The following RABGAP1L variants were observed in gnomAD, a reference collection of about 807,000 sequenced individuals.
RABGAP1L encodes RAB GTPase activating protein 1 like.
Under a neutral mutation model 137.7 loss-of-function variants are expected in RABGAP1L, and 63 were observed. The observed-to-expected ratio is 0.46, with a 90% CI of 0.37 to 0.56. The LOEUF (loss-of-function observed/expected upper bound fraction) is 0.56. Ranked by LOEUF, RABGAP1L falls within the 20% of genes least tolerant of loss-of-function variation. RABGAP1L has a pLI of 0.00. For synonymous variants in RABGAP1L, 431 were observed against 433.7 expected, an observed-to-expected ratio of 0.99 and a Z score of 0.08; for missense variants, 1,095 against 1,244.0, an observed-to-expected ratio of 0.88 and a Z score of 1.80.
In RABGAP1L at chr1:174,596,150, G is replaced by A. The variant is rs551524039; in HGVS notation, c.1711-41225G>A. Among the ~76,000 whole-genome samples the A allele has an allele frequency of 5.7e-4, 79 of 139,046 alleles. 1 individual carries two copies. Among genetic ancestry groups the A allele is most frequent in the South Asian group, 5.0e-3 (21 of 4,228 alleles). 91.2% of individuals were successfully genotyped at this position (139,046 alleles called of 152,430 possible). A position where few individuals can be genotyped will look rare whatever the true frequency, so the allele number is the denominator to read the frequency against. On this transcript the variant is annotated intron_variant, in intron 13 of 25. Transcript: ENST00000681986. ...CGTCCGTCACCCCTTTCTTTGACTC[G>A]GAAAGGGAACTCCCTGACCCCTTGC...
intron 12 of RABGAP1L, among the ~76,000 whole-genome samples, chr1:174,377,661 T>C (rs1392416597): frequency 6.6e-6 from 1 of 151,918 alleles, no homozygotes; most frequent in Non-Finnish European, 1.5e-5. Flanking sequence ...GAGATACCAC[T>C]TCATACCCAC....
At chr1:174,656,770 CT>C (rs1413931254) in intron 14 of RABGAP1L, among the ~76,000 whole-genome samples, 2 of 152,184 alleles carry the variant, frequency 1.3e-5, no homozygotes, top group Non-Finnish European at 2.9e-5. Context: ...ACTGAAATCT[CT>C]GCTTGGTGGT....
At chr1:174,889,300 GT>G (rs1655716422) in intron 19 of RABGAP1L, among the ~76,000 whole-genome samples, 1 of 151,580 alleles carries the variant, frequency 6.6e-6, no homozygotes, top group Non-Finnish European at 1.5e-5. Flanking sequence ...ATTTTTGTAT[GT>G]TTAGTAGAGA....
intron 19 of RABGAP1L, among the ~76,000 whole-genome samples, chr1:174,957,225 AG>A (rs1668624809): frequency 6.6e-6 from 1 of 152,216 alleles, no homozygotes; most frequent in East Asian, 1.9e-4. Flanking sequence ...TAATAATGAC[AG>A]AGTTGAATCT....
In RABGAP1L at chr1:174,472,936, CTG is replaced by C. The variant is rs536873586; in HGVS notation, c.1710+78793_1710+78794del. Among the ~76,000 whole-genome samples the C allele has an allele frequency of 2.0e-5, 3 of 152,296 alleles. No homozygotes were observed. In the East Asian group the frequency reaches 5.8e-4, roughly 29 times the overall value. On this transcript the variant is annotated intron_variant, in intron 13 of 25. Coordinates refer to ENST00000681986, the MANE Select transcript of RABGAP1L (RefSeq NM_001366446.1). The stretch of plus-strand genomic sequence containing the variant: ...AGCAGTCTCAGACCTGCAGTATTAA[CTG>C]TTTTTTGCACAGTAATATTTTAAAC...
intron 14 of RABGAP1L, among the ~76,000 whole-genome samples, chr1:174,681,874 A>G (rs901251860): frequency 8.5e-5 from 13 of 152,218 alleles, no homozygotes; most frequent in Non-Finnish European, 1.2e-4. Flanking sequence ...AATACATTCT[A>G]TTAAATTAAA....
At chr1:174,622,935 CT>C (rs1271305150) in intron 13 of RABGAP1L, among the ~76,000 whole-genome samples, 5 of 152,126 alleles carry the variant, frequency 3.3e-5, no homozygotes, top group African/African-American at 1.2e-4. Context: ...AATGCATTCA[CT>C]TTTCTTTGAA....
chr1:174,449,566 G>A (rs1655198738), intron 13 of RABGAP1L, among the ~76,000 whole-genome samples: 3 of 152,128 alleles, frequency 2.0e-5, no homozygotes, highest in African/African-American at 7.2e-5. Flanking sequence ...TTTTGTCTAT[G>A]TTTCTCTCAC....
At chr1:174,527,887 CATT>C (rs1664039952) in intron 13 of RABGAP1L, among the ~76,000 whole-genome samples, 1 of 140,698 alleles carries the variant, frequency 7.1e-6, no homozygotes, top group African/African-American at 2.7e-5. Flanking sequence ...ATTACTTTAT[CATT>C]ATATACTTGT....
At chr1:174,800,171 C>T (rs903720378) in intron 18 of RABGAP1L, 13 of 1,394,554 alleles carry the variant, frequency 9.3e-6, no homozygotes, top group Non-Finnish European at 1.2e-5. Flanking sequence ...GATAATTTAG[C>T]CAAAATGTTT....
intron 14 of RABGAP1L, among the ~76,000 whole-genome samples, chr1:174,651,646 T>G (rs1481554619): frequency 2.6e-5 from 4 of 152,318 alleles, no homozygotes; most frequent in Middle Eastern, 3.4e-3. Context: ...TATCAGAGAC[T>G]AGGATTGCAA....
At chr1:174,631,439 G>A (rs1424177850) in intron 13 of RABGAP1L, among the ~76,000 whole-genome samples, 2 of 100,928 alleles carry the variant, frequency 2.0e-5, no homozygotes, top group Non-Finnish European at 3.6e-5. Context: ...TTCAATTCCT[G>A]GGTATCCTTG....
At chr1:174,479,896 C>G (rs1203992227) in intron 13 of RABGAP1L, among the ~76,000 whole-genome samples, 1 of 152,138 alleles carries the variant, frequency 6.6e-6, no homozygotes, top group Non-Finnish European at 1.5e-5. Context: ...TACTCTCTCT[C>G]TCTCAGAAAC....
At chr1:174,218,649 AT>A (rs1669524131) in intron 1 of RABGAP1L, among the ~76,000 whole-genome samples, 1 of 152,170 alleles carries the variant, frequency 6.6e-6, no homozygotes, top group Non-Finnish European at 1.5e-5. Flanking sequence ...CTCAGAAAAA[AT>A]ATTTGCAGGT....
intron 19 of RABGAP1L, among the ~76,000 whole-genome samples, chr1:174,940,908 C>CA (rs1665759022): frequency 6.6e-6 from 1 of 152,172 alleles, no homozygotes; most frequent in Admixed American, 6.6e-5. Context: ...TAGCAACTAC[C>CA]AAAATAGGTT....
chr1:174,833,396 GTGTGTA>G (rs1163908929), intron 19 of RABGAP1L, among the ~76,000 whole-genome samples: 14 of 43,104 alleles, frequency 3.2e-4, no homozygotes, highest in African/African-American at 4.9e-4. Flanking sequence ...GTGTGTGTGT[GTGTGTA>G]TGTGTGTATG....
chr1:174,183,155 A>G (rs1466461861), intron 1 of RABGAP1L, among the ~76,000 whole-genome samples: 2 of 152,244 alleles, frequency 1.3e-5, no homozygotes, highest in Non-Finnish European at 2.9e-5. Flanking sequence ...TACTTCACAT[A>G]AAGATGAGGC....
chr1:174,444,873 C>A (rs564826034), intron 13 of RABGAP1L, among the ~76,000 whole-genome samples: 1 of 151,912 alleles, frequency 6.6e-6, no homozygotes, highest in Admixed American at 6.6e-5. Flanking sequence ...TTTATCTTTT[C>A]AAAAAATCAA....
At chr1:174,174,058 A>G (rs887958793) in intron 1 of RABGAP1L, among the ~76,000 whole-genome samples, 1 of 152,184 alleles carries the variant, frequency 6.6e-6, no homozygotes, top group African/African-American at 2.4e-5. Context: ...TTTACTTTAT[A>G]TATGATACTT....
Sources: gnomAD v4.1 joint callset for allele counts (sites outside exome capture counted in the v4.1 genomes callset) on GRCh38, gnomAD v4.1.1 for gene constraint, MANE v1.5 for transcripts, NCBI Gene and HGNC (gene_info 2026-07-23, HGNC 2026-07-21) for gene names.